The following AARSD1 variants were observed in gnomAD, a reference collection of about 807,000 sequenced individuals.
AARSD1 encodes the protein alanyl-tRNA synthetase domain containing 1.
AARSD1 carries 44 observed loss-of-function variants against 48.7 expected under a neutral mutation model. The ratio of observed to expected loss-of-function variants is 0.90; its 90% CI spans 0.71 to 1.16. The LOEUF (loss-of-function observed/expected upper bound fraction) is 1.16. Among genes scored for constraint, AARSD1 ranks in the 50% most tolerant of loss-of-function variants. AARSD1 has a pLI of 0.00. For missense variants in AARSD1, 511 were observed against 523.1 expected, an observed-to-expected ratio of 0.98 and a Z score of 0.23; for synonymous variants, 189 against 194.9, an observed-to-expected ratio of 0.97 and a Z score of 0.25.
chr17:42,955,118 C>G, intron 8 of AARSD1, 40 bp downstream of exon 8: 1 of 1,613,670 alleles, frequency 6.2e-7, no homozygotes, highest in Non-Finnish European at 8.5e-7. Context: ...CTATCCTAGG[C>G]AGGGCCCATG....
intron 2 of AARSD1, 121 bp downstream of exon 2, chr17:42,963,985 C>A: frequency 4.7e-6 from 7 of 1,499,314 alleles, no homozygotes; most frequent in Non-Finnish European, 6.2e-6. Context: ...AAATGAATAA[C>A]AAAATGAATT....
intron 6 of AARSD1, 55 bp from the exon 7 acceptor site, chr17:42,956,027 C>T: frequency 6.2e-7 from 1 of 1,611,944 alleles, no homozygotes; most frequent in Non-Finnish European, 8.5e-7. Flanking sequence ...GCATAAACCA[C>T]AGCGGATCCT....
At chr17:42,955,069 C>T (rs1397248675) in intron 8 of AARSD1, 89 bp downstream of exon 8, 1 of 1,611,998 alleles carries the variant, frequency 6.2e-7, no homozygotes, top group African/African-American at 1.3e-5. Flanking sequence ...CTTTGACAAA[C>T]TACACATCTG....
chr17:42,960,285 T>C (rs1012757281), intron 3 of AARSD1, among the ~76,000 whole-genome samples: 1 of 149,564 alleles, frequency 6.7e-6, no homozygotes. Context: ...AAAAGACTGT[T>C]CTGGTGCTAT....
chr17:42,957,222 G>A, intron 3 of AARSD1, 27 bp from the exon 4 acceptor site: 1 of 1,612,692 alleles, frequency 6.2e-7, no homozygotes, highest in Non-Finnish European at 8.5e-7. Context: ...AGAGACAGGA[G>A]AAAAGTGAGA....
Position 42,951,895 on chromosome 17 carries a change from C to T in AARSD1, c.1009-1G>A. ...CCACAGTTAAGAACAGGAGGGTCTC[C>T]TAGGAGGTAAGACAAGGAGATAAGC... On this transcript the variant is annotated splice_acceptor_variant, in intron 10 of 11. Transcript: ENST00000427569. LOFTEE classifies it high-confidence loss of function. The T allele has an allele frequency of 1.2e-6, 2 of 1,613,256 alleles. No individual in the cohort carries two copies. Among genetic ancestry groups the T allele is most frequent in the East Asian group, 2.2e-5 (1 of 44,876 alleles).
chr17:42,957,476 C>CT (rs1165420812), intron 3 of AARSD1: 43,777 of 83,380 alleles, frequency 0.53, 12,836 homozygotes, highest in East Asian at 0.65. Context: ...ACTTAACTTC[C>CT]TTTTTTTTTT....
chr17:42,955,848 A>G lies in AARSD1; in HGVS notation c.788T>C (p.Leu263Pro), dbSNP rs1390219128. Residue 263 changes from leucine to proline, a missense_variant, in exon 7 of 12, where the codon CTG becomes CCG. Leu to Pro is a moderately conservative substitution (Grantham distance 98, BLOSUM62 -3). Coordinates refer to ENST00000427569, the MANE Select transcript of AARSD1 (RefSeq NM_001261434.2). ...SHGTEKALTALLKCGAEDHVE... is the reference protein window; with the variant it reads ...SHGTEKALTAPLKCGAEDHVE... ...GGTACTGAAACAGGCATACTTAAGC[A>G]GAGCAGTCAGTGCTTTTTCAGTTCC... 1 of 1,614,142 alleles carries G rather than the reference A, an allele frequency of 6.2e-7. No homozygotes were observed. Among genetic ancestry groups the G allele is most frequent in the East Asian group, 2.2e-5 (1 of 44,890 alleles).
intron 9 of AARSD1, 108 bp downstream of exon 9, chr17:42,954,768 A>C: frequency 1.6e-6 from 2 of 1,245,454 alleles, no homozygotes; most frequent in Non-Finnish European, 2.3e-6. Flanking sequence ...CAACCTTGAG[A>C]ATACCAGTGA....
intron 10 of AARSD1, among the ~76,000 whole-genome samples, chr17:42,953,124 C>T (rs1479178648): frequency 6.6e-6 from 1 of 152,134 alleles, no homozygotes; most frequent in African/African-American, 2.4e-5. Flanking sequence ...GGATTACAGG[C>T]GCATGCCACC....
Position 42,956,498 on chromosome 17 carries a change from A to G in AARSD1, c.452T>C (p.Val151Ala). The change falls in exon 5 of 12, where the codon GTA becomes GCA. Residue 151 changes from valine (V) to alanine (A), a missense_variant. Physicochemically the swap from Val to Ala is moderately conservative, Grantham distance 64. Transcript: ENST00000427569. Reference protein sequence around the residue: ...LDTPSMTAEQVAAIEQSVNEK... With the variant: ...LDTPSMTAEQAAAIEQSVNEK... ...ATTGACGCTCTGCTCAATGGCAGCT[A>G]CTTGCTCTGCAGTCATAGAGGGGGT... 1 of 1,613,814 alleles carries G rather than the reference A, an allele frequency of 6.2e-7. No individual in the cohort carries two copies. Among genetic ancestry groups the G allele is most frequent in the Non-Finnish European group, 8.5e-7 (1 of 1,179,952 alleles).
intron 3 of AARSD1, chr17:42,960,974 A>T (rs2049628532): frequency 1.4e-6 from 1 of 712,294 alleles, no homozygotes; most frequent in Admixed American, 3.3e-5. Context: ...AGTTGATAAT[A>T]CCTAAATCCA....
Position 42,956,441 on chromosome 17 carries a change from A to T in AARSD1, c.509T>A (p.Val170Asp), listed in dbSNP as rs1447943921. Residue 170 changes from valine to aspartate, a missense_variant, in exon 5 of 12, where the codon GTC (valine) becomes GAC (aspartate). By Grantham distance (152) the Val-to-Asp change is radical. Transcript: ENST00000427569. ...EKIRDRLPVN[V>D]RELSLDDPEV... ...AGGATCATCCAGGCTCAGTTCTCGG[A>T]CATTCACAGGCAGCCGATCTCTGAT... The T allele has an allele frequency of 1.2e-6, 2 of 1,613,936 alleles. No homozygotes were observed. Among genetic ancestry groups the T allele is most frequent in the African/African-American group, 1.3e-5 (1 of 74,886 alleles).
rs1426684981 is a variant in AARSD1, at chr17:42,955,925, G to C, written c.711C>G (p.Asn237Lys). ...CCCGGTTCCCAGACAGAAATATCAGGTTGGTTCTGTTCTTTTTCCCCTTCT... is the reference window on the plus strand; with the variant it reads ...CCCGGTTCCCAGACAGAAATATCAGCTTGGTTCTGTTCTTTTTCCCCTTCT... ...GTEKGKKNRT[N>K]LIFLSGNRVL... The change falls in exon 7 of 12, where the codon AAC (asparagine) becomes AAG (lysine). Residue 237 changes from asparagine (N) to lysine (K), a missense_variant. Transcript: ENST00000427569. 6.2e-7 allele frequency: 1 copy of C among 1,614,042 alleles called. No homozygotes were observed. The highest frequency in any genetic ancestry group is 8.5e-7 in the Non-Finnish European group (1 of 1,180,022).
intron 2 of AARSD1, 77 bp from the exon 3 acceptor site, chr17:42,961,428 T>C (rs1379443941): frequency 6.3e-7 from 1 of 1,592,682 alleles, no homozygotes; most frequent in South Asian, 1.1e-5. Flanking sequence ...CCCTCTAGGG[T>C]GAGAGACCCA....
intron 2 of AARSD1, 141 bp from the exon 3 acceptor site, chr17:42,961,492 C>CTG (rs2049637716): frequency 8.5e-7 from 1 of 1,175,682 alleles, no homozygotes; most frequent in African/African-American, 1.6e-5. Flanking sequence ...GAAATGAGTC[C>CTG]ACTTTGTTCC....
At chr17:42,957,675 T>C in intron 3 of AARSD1, 1 of 153,732 alleles carries the variant, frequency 6.5e-6, no homozygotes, top group African/African-American at 2.4e-5. Context: ...TTCACCACGT[T>C]GGCCAAGCTG....
intron 2 of AARSD1, 80 bp from the exon 3 acceptor site, chr17:42,961,431 G>C (rs1173954638): frequency 6.3e-7 from 1 of 1,591,950 alleles, no homozygotes. Flanking sequence ...TCTAGGGTGA[G>C]AGACCCAGAA....
chr17:42,959,914 G>A (rs1010566699), intron 3 of AARSD1, among the ~76,000 whole-genome samples: 6 of 151,442 alleles, frequency 4.0e-5, no homozygotes, highest in Non-Finnish European at 5.9e-5. Context: ...TGCCCACCTC[G>A]GTCTCCCAAA....
Sources: gnomAD v4.1 joint callset for allele counts (sites outside exome capture counted in the v4.1 genomes callset) on GRCh38, gnomAD v4.1.1 for gene constraint, MANE v1.5 for transcripts, NCBI Gene and HGNC (gene_info 2026-07-23, HGNC 2026-07-21) for gene names.